The following CLSTN3 variants were observed in gnomAD, a reference collection of about 807,000 sequenced individuals.
CLSTN3 encodes the protein calsyntenin 3.
In CLSTN3, 36 loss-of-function variants were observed where a neutral mutation model predicts 95.9. The ratio of observed to expected loss-of-function variants is 0.38; its 90% CI spans 0.29 to 0.50. The LOEUF (loss-of-function observed/expected upper bound fraction) is 0.50. Among genes scored for constraint, CLSTN3 ranks in the 20% least tolerant of loss-of-function variants. CLSTN3 has a pLI of 0.95. For missense variants in CLSTN3, 1,084 were observed against 1,268.8 expected (o/e 0.85, Z 2.21); for synonymous variants, 481 against 504.0 (o/e 0.95, Z 0.61).
chr12:7,150,942 C>A lies in CLSTN3; in HGVS notation c.2406C>A (p.His802Gln). Reference protein sequence around the residue: ...NEFIVEVNVLHSMNRVAHPSH... With the variant: ...NEFIVEVNVLQSMNRVAHPSH... ...CCTCTGCCCAGGTCAATGTCCTGCA[C>A]AGCATGAACCGGGTTGCCCACCCCA... The change falls in exon 16 of 18, where the codon CAC becomes CAA. Residue 802 changes from histidine (H) to glutamine (Q), a missense_variant. Physicochemically the swap from His to Gln is conservative, Grantham distance 24. Coordinates refer to ENST00000266546, the MANE Select transcript of CLSTN3 (RefSeq NM_014718.4). The surrounding 1 kb of genome is among the most constrained non-coding windows in gnomAD (Gnocchi z 4.0). 1 of 1,607,734 alleles carries A rather than the reference C, an allele frequency of 6.2e-7. No homozygotes were observed. Among genetic ancestry groups the A allele is most frequent in the Non-Finnish European group, 8.5e-7 (1 of 1,176,154 alleles).
chr12:7,137,976 C>T lies in CLSTN3; in HGVS notation c.1232C>T (p.Ser411Leu), dbSNP rs778609307. 6.2e-6 allele frequency: 10 copies of T among 1,613,848 alleles called. No homozygotes were observed. The highest frequency in any genetic ancestry group is 3.3e-5 in the South Asian group (3 of 91,068). The change falls in exon 8 of 18, where the codon TCG becomes TTG. Residue 411 changes from serine (S) to leucine (L), a missense_variant. Transcript: ENST00000266546. This position sits in a 1 kb window ranked among gnomAD's most constrained non-coding sequence, Gnocchi z 4.4. ...TCAGAGGACGGCTTCTCTCACTACT[C>T]GCTGACTGTCCACGGCTGTAGGATT... The part of the protein sequence containing the change: ...VQNEDGFSHY[S>L]LTVHGCRIAF...
intron 12 of CLSTN3, among the ~76,000 whole-genome samples, chr12:7,147,325 G>A (rs1939635644): frequency 6.9e-6 from 1 of 145,348 alleles, no homozygotes; most frequent in Non-Finnish European, 1.5e-5. Context: ...CTTGAACCTG[G>A]GAGGCAGAGG....
At position 7,133,844 on chromosome 12, in the gene CLSTN3, C is replaced by T. The variant is rs371847868; in HGVS notation, c.383+76C>T. On this transcript the variant is annotated intron_variant, in intron 3 of 17. Transcript: ENST00000266546. The surrounding 1 kb of genome is among the most constrained non-coding windows in gnomAD (Gnocchi z 4.7). ...GCTCCCAAGCCCACCATCCTCTGTC[C>T]GTGCGGTCATCGAATATCCACCCCC... 5.8e-5 allele frequency: 73 copies of T among 1,260,068 alleles called. 1 individual carries two copies. Among genetic ancestry groups the T allele is most frequent in the African/African-American group, 3.6e-4 (24 of 66,340 alleles). 78.1% of individuals were successfully genotyped at this position (1,260,068 alleles called of 1,614,324 possible). A position where few individuals can be genotyped will look rare whatever the true frequency, so the allele number is the denominator to read the frequency against.
rs1038709653 is a variant in CLSTN3 at position 7,157,386 on chromosome 12, G to A, written c.2528-103G>A. ...TCGGCCACCGTGTGTTCTGCCCTGG[G>A]AGTCCTTCAGCCCGGGCTGCCTCTT... On this transcript the variant is annotated intron_variant, in intron 16 of 17. Transcript: ENST00000266546. This position sits in a 1 kb window ranked among gnomAD's most constrained non-coding sequence, Gnocchi z 5.9. 2.7e-5 allele frequency: 27 copies of A among 982,050 alleles called. No homozygotes were observed. The highest frequency in any genetic ancestry group is 3.8e-5 in the Non-Finnish European group (26 of 681,930). 60.8% of individuals were successfully genotyped at this position (982,050 alleles called of 1,614,324 possible).
At position 7,141,107 on chromosome 12, in the gene CLSTN3, C is replaced by A; in HGVS notation, c.1324-135C>A. The A allele has an allele frequency of 2.1e-6, 2 of 964,706 alleles. No homozygotes were observed. Among genetic ancestry groups the A allele is most frequent in the Non-Finnish European group, 3.1e-6 (2 of 648,398 alleles). The allele number at this position is 964,706 out of a possible 1,614,324, so 59.8% of individuals were successfully genotyped here. A position where few individuals can be genotyped will look rare whatever the true frequency, so the allele number is the denominator to read the frequency against. Reference sequence around the variant, plus strand: ...TCCTCGAGCTGGATAGGCAGCAAAGCACTAGTAAGCCCTGTTGGTAGAACT... The same window carrying A: ...TCCTCGAGCTGGATAGGCAGCAAAGAACTAGTAAGCCCTGTTGGTAGAACT... On this transcript the variant is annotated intron_variant, in intron 8 of 17. Coordinates refer to ENST00000266546, the MANE Select transcript of CLSTN3 (RefSeq NM_014718.4). This position sits in a 1 kb window ranked among gnomAD's most constrained non-coding sequence, Gnocchi z 4.1.
Position 7,150,507 on chromosome 12 carries a change from C to T in CLSTN3, c.2246-37C>T. On this transcript the variant is annotated intron_variant, in intron 14 of 17. Coordinates refer to ENST00000266546, the MANE Select transcript of CLSTN3 (RefSeq NM_014718.4). This position sits in a 1 kb window ranked among gnomAD's most constrained non-coding sequence, Gnocchi z 4.0. Reference sequence around the variant, plus strand: ...GAGGGTCCTGCCCAGGTCCTGCCTCCACTGGCCCCTGCCCTGAGGTGCTTC... The same window carrying T: ...GAGGGTCCTGCCCAGGTCCTGCCTCTACTGGCCCCTGCCCTGAGGTGCTTC... 1 of 1,591,066 alleles carries T rather than the reference C, an allele frequency of 6.3e-7. No individual in the cohort carries two copies. Among genetic ancestry groups the T allele is most frequent in the Non-Finnish European group, 8.6e-7 (1 of 1,163,548 alleles).
chr12:7,137,406 A>G lies in CLSTN3; in HGVS notation c.1210+296A>G, dbSNP rs892725553. ...GTCCCCACCCCCCATCTCCACCTCC[A>G]TTAAAGCCCCTCCATTGCAATGGGA... On this transcript the variant is annotated intron_variant, in intron 7 of 17. Coordinates refer to ENST00000266546, the MANE Select transcript of CLSTN3 (RefSeq NM_014718.4). This position sits in a 1 kb window ranked among gnomAD's most constrained non-coding sequence, Gnocchi z 4.4. The G allele has an allele frequency of 2.0e-5, 8 of 394,346 alleles. No individual in the cohort carries two copies. The highest frequency in any genetic ancestry group is 3.8e-5 in the Non-Finnish European group (8 of 211,948). 24.4% of individuals were successfully genotyped at this position (394,346 alleles called of 1,614,324 possible). A position where few individuals can be genotyped will look rare whatever the true frequency, so the allele number is the denominator to read the frequency against.
chr12:7,132,935 G>C (rs760944012), intron 1 of CLSTN3, 89 bp from the exon 2 acceptor site: 3 of 1,572,914 alleles, frequency 1.9e-6, no homozygotes, highest in South Asian at 1.1e-5. Context: ...TGGTGCTGGG[G>C]TGTGAGTTGT....
Position 7,143,309 on chromosome 12 carries a change from C to T in CLSTN3, c.1845C>T (p.Val615=). Residue 615 remains valine, a splice_region_variant and synonymous_variant, in exon 12 of 18, where the codon GTC becomes GTT. Transcript: ENST00000266546. The stretch of plus-strand genomic sequence containing the variant: ...GGCCCCTGCGCCTCACCACTGCTGT[C>T]AAGTGAGTGTTGGGTGGGGCAGGGC... The part of the protein sequence containing the change: ...GVRPLRLTTA[V]KCFSEESCVS... 1 of 1,607,522 alleles carries T rather than the reference C, an allele frequency of 6.2e-7. No individual in the cohort carries two copies. The highest frequency in any genetic ancestry group is 8.5e-7 in the Non-Finnish European group (1 of 1,179,354).
intron 16 of CLSTN3, among the ~76,000 whole-genome samples, chr12:7,154,891 T>G (rs1939789317): frequency 6.6e-6 from 1 of 152,180 alleles, no homozygotes; most frequent in African/African-American, 2.4e-5. Flanking sequence ...ATGCGTACTA[T>G]GAGATGCTAT....
intron 16 of CLSTN3, chr12:7,156,208 G>A (rs1224375469): frequency 4.4e-6 from 2 of 452,536 alleles, no homozygotes; most frequent in South Asian, 1.6e-5. Flanking sequence ...GTGCACCCAT[G>A]TGGGGAGTAG....
Position 7,157,824 on chromosome 12 carries a change from A to G in CLSTN3, c.2731-117A>G. On this transcript the variant is annotated intron_variant, in intron 17 of 17. Transcript: ENST00000266546. The surrounding 1 kb of genome is among the most constrained non-coding windows in gnomAD (Gnocchi z 5.9). ...CAGTGAGCCGGAGGGAGAGAGGTTC[A>G]GGCAGGGAAGGGGGTACACAGGGGT... The G allele has an allele frequency of 6.7e-7, 1 of 1,497,106 alleles. No homozygotes were observed. The highest frequency in any genetic ancestry group is 2.5e-5 in the East Asian group (1 of 40,454). 92.7% of individuals were successfully genotyped at this position (1,497,106 alleles called of 1,614,324 possible).
chr12:7,131,049 C>T, intron 1 of CLSTN3: 2 of 458,578 alleles, frequency 4.4e-6, no homozygotes, highest in South Asian at 4.3e-5. Flanking sequence ...GGACTGCCCC[C>T]GAGCCGGTGA....
chr12:7,149,300 T>G lies in CLSTN3; in HGVS notation c.2074+102T>G. On this transcript the variant is annotated intron_variant, in intron 13 of 17. Transcript: ENST00000266546. This position sits in a 1 kb window ranked among gnomAD's most constrained non-coding sequence, Gnocchi z 4.5. The stretch of plus-strand genomic sequence containing the variant: ...GGGCTGGAAGCAGAAAGCGACTCCA[T>G]CCTGTGTTTGTTTGACTGAACAACT... 9.1e-7 allele frequency: 1 copy of G among 1,096,220 alleles called. No homozygotes were observed. Among genetic ancestry groups the G allele is most frequent in the Admixed American group, 2.1e-5 (1 of 47,198 alleles). The allele number at this position is 1,096,220 out of a possible 1,614,324, so 67.9% of individuals were successfully genotyped here.
In CLSTN3 at chr12:7,133,091, C is replaced by A. The variant is rs755661152; in HGVS notation, c.132C>A (p.Val44=). The A allele has an allele frequency of 8.7e-6, 14 of 1,613,960 alleles. No homozygotes were observed. The highest frequency in any genetic ancestry group is 1.2e-5 in the Non-Finnish European group (14 of 1,180,028). ...QGIVMENDNT[V]LLNPPLFALD... ...TCGTCATGGAGAATGACAACACGGT[C>A]CTACTGAATCCACCACTCTTTGCCT... Residue 44 remains valine, a synonymous_variant, in exon 2 of 18, where the codon GTC becomes GTA. Transcript: ENST00000266546. This position sits in a 1 kb window ranked among gnomAD's most constrained non-coding sequence, Gnocchi z 4.7.
In CLSTN3 at chr12:7,133,718, CT is replaced by C. The variant is rs1939349993; in HGVS notation, c.334del (p.Tyr112MetfsTer27). On this transcript the variant is annotated frameshift_variant, in exon 3 of 18. Transcript: ENST00000266546. LOFTEE classifies it high-confidence loss of function. The surrounding 1 kb of genome is among the most constrained non-coding windows in gnomAD (Gnocchi z 4.7). Reference protein sequence around the residue: ...QKEHTFTIQAYDCGEGPDGAN... With the variant: ...QKEHTFTIQAXDCGEGPDGAN... ...AGGAACACACCTTCACCATCCAGGCCTATGACTGTGGCGAGGGCCCCGACGG... is the reference window on the plus strand; with the variant it reads ...AGGAACACACCTTCACCATCCAGGCCATGACTGTGGCGAGGGCCCCGACGG... 1 of 1,608,362 alleles carries C rather than the reference CT, an allele frequency of 6.2e-7. No homozygotes were observed. The highest frequency in any genetic ancestry group is 8.5e-7 in the Non-Finnish European group (1 of 1,178,074).
intron 16 of CLSTN3, among the ~76,000 whole-genome samples, chr12:7,153,123 C>G (rs2135816779): frequency 1.3e-5 from 2 of 152,192 alleles, no homozygotes; most frequent in South Asian, 4.1e-4. Context: ...GGGACTGGCT[C>G]CCTTCTTCCT....
At chr12:7,132,905 A>G in intron 1 of CLSTN3, 119 bp from the exon 2 acceptor site, 3 of 1,369,912 alleles carry the variant, frequency 2.2e-6, no homozygotes, top group Non-Finnish European at 2.0e-6. Context: ...AGGTGCTCCT[A>G]TAGGGGGTGG....
chr12:7,156,067 G>A lies in CLSTN3; in HGVS notation c.2528-1422G>A, dbSNP rs145799841. 105 of 358,270 alleles carry A rather than the reference G, an allele frequency of 2.9e-4. No homozygotes were observed. The East Asian group carries it at 6.2e-3, about 21-fold the overall frequency. 22.2% of individuals were successfully genotyped at this position (358,270 alleles called of 1,614,324 possible). A position where few individuals can be genotyped will look rare whatever the true frequency, so the allele number is the denominator to read the frequency against. ...CGGACGGGGCTGGAATGCGATGTGT[G>A]TATTTTTCTAGGGGCTTGCTTGTGT... On this transcript the variant is annotated intron_variant, in intron 16 of 17. Coordinates refer to ENST00000266546, the MANE Select transcript of CLSTN3 (RefSeq NM_014718.4).
Sources: gnomAD v4.1 joint callset for allele counts (sites outside exome capture counted in the v4.1 genomes callset) on GRCh38, gnomAD v4.1.1 for gene constraint, Gnocchi (gnomAD v3.1) non-coding constraint, MANE v1.5 for transcripts, NCBI Gene and HGNC (gene_info 2026-07-23, HGNC 2026-07-21) for gene names.